The following SBNO1 variants were observed in gnomAD, a reference collection of about 807,000 sequenced individuals.
SBNO1 encodes the protein strawberry notch homolog 1.
Under a neutral mutation model 173.6 loss-of-function variants are expected in SBNO1, and 23 were observed. The observed-to-expected ratio is 0.13, with a 90% CI of 0.10 to 0.19. The LOEUF is 0.19. SBNO1 is among the 10% of genes least tolerant of loss of function. The probability of loss-of-function intolerance (pLI) is 1.00; values close to 1 mark genes in which losing one functional copy is unlikely to be tolerated. For synonymous variants in SBNO1, 632 were observed against 571.5 expected (o/e 1.11, Z -1.51); for missense variants, 1,238 against 1,671.2 (o/e 0.74, Z 4.52).
intron 1 of SBNO1, among the ~76,000 whole-genome samples, chr12:123,355,157 A>T (rs1874302596): frequency 6.6e-6 from 1 of 151,900 alleles, no homozygotes; most frequent in Non-Finnish European, 1.5e-5. Context: ...GGTGGCTGAA[A>T]CTACAGGCCC....
At chr12:123,301,439 AAAAC>A (rs1430004425) in intron 30 of SBNO1, among the ~76,000 whole-genome samples, 8 of 152,318 alleles carry the variant, frequency 5.3e-5, no homozygotes, top group African/African-American at 1.9e-4. Flanking sequence ...CCAAACAATC[AAAAC>A]AAACAAAAAG....
In SBNO1 at chr12:123,364,111, G is replaced by A. The variant is rs923195376; in HGVS notation, c.-1+590C>T. ...AACTAAGCGAGTCGCCTGGAGAGGC[G>A]TGAAGGGAGCCTGCACGTGTCCCCC... On this transcript the variant is annotated intron_variant, in intron 1 of 31. Transcript: ENST00000602398. 4.6e-5 allele frequency: 45 copies of A among 985,494 alleles called. No homozygotes were observed. In the African/African-American group the frequency reaches 6.3e-4, roughly 14 times the overall value. The allele number at this position is 985,494 out of a possible 1,614,324, so 61.0% of individuals were successfully genotyped here. A position where few individuals can be genotyped will look rare whatever the true frequency, so the allele number is the denominator to read the frequency against.
chr12:123,328,968 T>G, intron 9 of SBNO1, 73 bp from the exon 10 acceptor site: 1 of 887,778 alleles, frequency 1.1e-6, no homozygotes, highest in Non-Finnish European at 1.6e-6. Context: ...CAACTAAACA[T>G]TCACAAGCAG....
intron 28 of SBNO1, among the ~76,000 whole-genome samples, chr12:123,305,074 G>C (rs1466071465): frequency 6.6e-6 from 1 of 152,200 alleles, no homozygotes; most frequent in African/African-American, 2.4e-5. Context: ...GAAAAACCAA[G>C]TGTAATAAAA....
At chr12:123,328,972 C>G (rs1870879989) in intron 9 of SBNO1, 77 bp from the exon 10 acceptor site, 7 of 832,130 alleles carry the variant, frequency 8.4e-6, no homozygotes, top group Non-Finnish European at 9.0e-6. Context: ...TAAACATTCA[C>G]AAGCAGGAAC....
At chr12:123,350,547 C>G in intron 1 of SBNO1, 106 bp from the exon 2 acceptor site, 2 of 905,300 alleles carry the variant, frequency 2.2e-6, no homozygotes, top group Non-Finnish European at 1.8e-6. Flanking sequence ...CCCATTCATT[C>G]AGTATTAATG....
Position 123,309,833 on chromosome 12 carries a change from A to C in SBNO1, c.3319T>G (p.Leu1107Val). The change falls in exon 26 of 32, where the codon TTA becomes GTA. Residue 1107 changes from leucine to valine, a missense_variant. Leu to Val is a conservative substitution (Grantham distance 32, BLOSUM62 1). Coordinates refer to ENST00000602398, the MANE Select transcript of SBNO1 (RefSeq NM_001167856.3). ...DKDYNNIGKF[L>V]NRILGMEVHQ... ...ACCTCCATGCCTAAAATTCTATTTAAGAATTTTCCTATGTTGTTATAATCT... is the reference window on the plus strand; with the variant it reads ...ACCTCCATGCCTAAAATTCTATTTACGAATTTTCCTATGTTGTTATAATCT... 1 of 1,601,648 alleles carries C rather than the reference A, an allele frequency of 6.2e-7. No homozygotes were observed. Among genetic ancestry groups the C allele is most frequent in the Non-Finnish European group, 8.5e-7 (1 of 1,174,862 alleles).
intron 5 of SBNO1, among the ~76,000 whole-genome samples, chr12:123,338,049 C>T (rs919390116): frequency 1.3e-5 from 2 of 152,116 alleles, no homozygotes; most frequent in Non-Finnish European, 2.9e-5. Context: ...AGAGATAACT[C>T]GGGTGAGGGA....
chr12:123,320,344 G>GATT, intron 19 of SBNO1, 88 bp downstream of exon 19: 1 of 1,230,292 alleles, frequency 8.1e-7, no homozygotes, highest in Admixed American at 2.3e-5. Flanking sequence ...AAGAAATTTA[G>GATT]ATTATTATGT....
chr12:123,306,714 G>T (rs1348342842), intron 28 of SBNO1, among the ~76,000 whole-genome samples: 1 of 151,990 alleles, frequency 6.6e-6, no homozygotes, highest in Non-Finnish European at 1.5e-5. Context: ...ATCTATGGGG[G>T]ATAGCCGAGT....
At chr12:123,320,246 G>T (rs1405587518) in intron 19 of SBNO1, among the ~76,000 whole-genome samples, 186 bp downstream of exon 19, 3 of 152,216 alleles carry the variant, frequency 2.0e-5, no homozygotes, top group Non-Finnish European at 2.9e-5. Context: ...ACTAGGACCA[G>T]TGGCTTGGGA....
intron 25 of SBNO1, 112 bp downstream of exon 25, chr12:123,310,943 C>T (rs1240244214): frequency 1.2e-6 from 1 of 810,040 alleles, no homozygotes; most frequent in Non-Finnish European, 2.0e-6. Context: ...GCCAAAACCA[C>T]CCAGAATGTT....
At chr12:123,325,064 G>A (rs1280034740) in intron 15 of SBNO1, among the ~76,000 whole-genome samples, 4 of 152,078 alleles carry the variant, frequency 2.6e-5, no homozygotes, top group Non-Finnish European at 5.9e-5. Flanking sequence ...GCCCATGTTG[G>A]CCTCCCAAAG....
In SBNO1 at chr12:123,317,254, G is replaced by A; in HGVS notation, c.2902C>T (p.Pro968Ser). The A allele has an allele frequency of 6.2e-7, 1 of 1,614,114 alleles. No individual in the cohort carries two copies. The highest frequency in any genetic ancestry group is 8.5e-7 in the Non-Finnish European group (1 of 1,179,992). The change falls in exon 21 of 32, where the codon CCT becomes TCT. Residue 968 changes from proline to serine, a missense_variant. Pro to Ser is a moderately conservative substitution (Grantham distance 74). This residue lies in a region of SBNO1 where 39 missense variants were observed against 129.7 expected (regional missense o/e 0.30). Coordinates refer to ENST00000602398, the MANE Select transcript of SBNO1 (RefSeq NM_001167856.3). Reference protein sequence around the residue: ...RRRVHMTLELPWSADRAIQQF... With the variant: ...RRRVHMTLELSWSADRAIQQF... ...TGAATTGCTCTATCAGCGCTCCAAG[G>A]TAATTCTAAAGTCATATGAACTCTT...
Position 123,317,414 on chromosome 12 carries a change from C to A in SBNO1, c.2800-58G>T, listed in dbSNP as rs1424301780. The A allele has an allele frequency of 3.9e-6, 6 of 1,530,990 alleles. No individual in the cohort carries two copies. The Admixed American group carries it at 7.0e-5, about 18-fold the overall frequency. 94.8% of individuals were successfully genotyped at this position (1,530,990 alleles called of 1,614,324 possible). On this transcript the variant is annotated intron_variant, in intron 20 of 31. Coordinates refer to ENST00000602398, the MANE Select transcript of SBNO1 (RefSeq NM_001167856.3). ...TTGCATAAGAACAAGCAGGCCAGTG[C>A]CTTAAATGAAGTCCTTCAGCAGACT...
At chr12:123,302,238 GT>G (rs1222921851) in intron 30 of SBNO1, among the ~76,000 whole-genome samples, 46 of 112,964 alleles carry the variant, frequency 4.1e-4, no homozygotes, top group East Asian at 1.7e-3. Flanking sequence ...TGGCCTTATT[GT>G]TTTTTTTTTT....
chr12:123,312,194 C>T (rs1020907963), intron 24 of SBNO1, among the ~76,000 whole-genome samples: 1 of 152,048 alleles, frequency 6.6e-6, no homozygotes, highest in Admixed American at 6.6e-5. Flanking sequence ...CACACCTCAG[C>T]CTCCCAAAGT....
chr12:123,335,404 G>C (rs1173721502), intron 6 of SBNO1, among the ~76,000 whole-genome samples: 1 of 152,112 alleles, frequency 6.6e-6, no homozygotes, highest in East Asian at 1.9e-4. Context: ...TGAGGCAAGA[G>C]CATGCCACTG....
chr12:123,306,812 A>G (rs1262790911), intron 28 of SBNO1, among the ~76,000 whole-genome samples: 1 of 151,972 alleles, frequency 6.6e-6, no homozygotes, highest in Non-Finnish European at 1.5e-5. Flanking sequence ...GTAACTGATA[A>G]AAGTATGCAA....
Sources: gnomAD v4.1 joint callset for allele counts (sites outside exome capture counted in the v4.1 genomes callset) on GRCh38, gnomAD v4.1.1 for gene constraint, gnomAD v4.1.1 regional missense constraint, MANE v1.5 for transcripts, NCBI Gene and HGNC (gene_info 2026-07-23, HGNC 2026-07-21) for gene names.